Variants in COL25A1 observed in about 807,000 individuals in gnomAD.
COL25A1 encodes the protein collagen alpha-1(XXV) chain.
COL25A1 carries 103 observed loss-of-function variants against 128.4 expected under a neutral mutation model. The observed-to-expected ratio is 0.80, with a 90% CI of 0.68 to 0.94. The LOEUF (loss-of-function observed/expected upper bound fraction) is 0.94, where lower values mean the gene tolerates loss of function less well. Ranked by LOEUF, COL25A1 falls within the 40% of genes least tolerant of loss-of-function variation. COL25A1 has a pLI of 0.00. For missense variants in COL25A1, 745 were observed against 840.0 expected (o/e 0.89, Z 1.40); for synonymous variants, 279 against 277.2 (o/e 1.01, Z -0.06).
At chr4:109,053,723 G>A (rs554888686) in intron 3 of COL25A1, among the ~76,000 whole-genome samples, 1 of 152,040 alleles carries the variant, frequency 6.6e-6, no homozygotes, top group Non-Finnish European at 1.5e-5. Context: ...GATGTTATTT[G>A]TCTTTGAAAA....
intron 3 of COL25A1, among the ~76,000 whole-genome samples, chr4:109,283,354 C>T (rs887443194): frequency 2.0e-5 from 3 of 152,192 alleles, no homozygotes; most frequent in African/African-American, 7.2e-5. Flanking sequence ...TCAAGCAATC[C>T]TCCTGCCTCA....
intron 3 of COL25A1, among the ~76,000 whole-genome samples, chr4:109,157,888 T>C (rs1036180857): frequency 6.6e-6 from 1 of 152,188 alleles, no homozygotes; most frequent in Non-Finnish European, 1.5e-5. Flanking sequence ...TGGGGCACTG[T>C]GCCATTCCCG....
rs1339299579 is a variant in COL25A1 at position 108,811,141 on chromosome 4, A to T, written c.*2786T>A. ...ACATATCAACAAACACAATTCTTTCATTCACTTAGAAATTATTTAAGAATT... is the reference window on the plus strand; with the variant it reads ...ACATATCAACAAACACAATTCTTTCTTTCACTTAGAAATTATTTAAGAATT... On this transcript the variant is annotated 3_prime_UTR_variant, in exon 38 of 38. Coordinates refer to ENST00000399132, the MANE Select transcript of COL25A1 (RefSeq NM_198721.4). 6.6e-6 allele frequency: 1 copy of T among 152,104 alleles called. No individual in the cohort carries two copies. The highest frequency in any genetic ancestry group is 2.4e-5 in the African/African-American group (1 of 41,454). 9.4% of individuals were successfully genotyped at this position (152,104 alleles called of 1,614,324 possible). A position where few individuals can be genotyped will look rare whatever the true frequency, so the allele number is the denominator to read the frequency against.
intron 3 of COL25A1, among the ~76,000 whole-genome samples, chr4:109,215,088 G>C (rs367759712): frequency 2.5e-4 from 38 of 152,168 alleles, no homozygotes; most frequent in East Asian, 1.4e-3. Context: ...AGTTCTAGAA[G>C]AGCTTTTAAA....
At chr4:109,216,670 G>C (rs1778022650) in intron 3 of COL25A1, among the ~76,000 whole-genome samples, 2 of 152,038 alleles carry the variant, frequency 1.3e-5, no homozygotes, top group Non-Finnish European at 2.9e-5. Flanking sequence ...GGCAAGGAAG[G>C]GCCCTCCTCT....
At chr4:109,234,078 T>C (rs1416640706) in intron 3 of COL25A1, among the ~76,000 whole-genome samples, 1 of 152,192 alleles carries the variant, frequency 6.6e-6, no homozygotes, top group African/African-American at 2.4e-5. Context: ...CCTTATTCAA[T>C]CTTACTGCAT....
intron 8 of COL25A1, among the ~76,000 whole-genome samples, chr4:108,944,797 CT>C (rs758189217): frequency 2.6e-5 from 4 of 151,992 alleles, no homozygotes; most frequent in Non-Finnish European, 5.9e-5. Context: ...TCAGAAAGAC[CT>C]TTTTCCTCAA....
chr4:109,151,903 T>C lies in COL25A1; in HGVS notation c.368-101724A>G, dbSNP rs927013942. On this transcript the variant is annotated intron_variant, in intron 3 of 37. Coordinates refer to ENST00000399132, the MANE Select transcript of COL25A1 (RefSeq NM_198721.4). ...TTTCATAAAAAGGTATACATTACAA[T>C]GAATCGTCTGTGCTTAGAGTTTTAA... Among the ~76,000 whole-genome samples, 11 of 152,316 alleles carry C rather than the reference T, an allele frequency of 7.2e-5. No homozygotes were observed. In the South Asian group the frequency reaches 8.3e-4, roughly 11 times the overall value.
chr4:109,131,746 G>T (rs769590681), intron 3 of COL25A1, among the ~76,000 whole-genome samples: 25 of 152,294 alleles, frequency 1.6e-4, no homozygotes, highest in Middle Eastern at 3.4e-3. Flanking sequence ...CATCATAGGC[G>T]CAAGTCCTCC....
At chr4:108,828,268 G>A (rs2125721255) in intron 32 of COL25A1, among the ~76,000 whole-genome samples, 1 of 152,244 alleles carries the variant, frequency 6.6e-6, no homozygotes, top group East Asian at 1.9e-4. Flanking sequence ...CTCCCGAGTA[G>A]CTGGGAGTAC....
At chr4:108,979,925 A>G (rs534433446) in intron 6 of COL25A1, among the ~76,000 whole-genome samples, 59 of 152,274 alleles carry the variant, frequency 3.9e-4, no homozygotes, top group Admixed American at 7.8e-4. Flanking sequence ...CTTGAAAGAT[A>G]TCCAGGAGTA....
intron 3 of COL25A1, among the ~76,000 whole-genome samples, chr4:109,296,859 A>G (rs1261584647): frequency 2.0e-5 from 3 of 152,098 alleles, no homozygotes; most frequent in Non-Finnish European, 4.4e-5. Flanking sequence ...CTGGTTCCCA[A>G]TGTTCTTTAT....
chr4:109,071,325 A>G (rs1466013418), intron 3 of COL25A1, among the ~76,000 whole-genome samples: 1 of 152,192 alleles, frequency 6.6e-6, no homozygotes, highest in Non-Finnish European at 1.5e-5. Flanking sequence ...TACATGTTAG[A>G]CCTAAAACCA....
At position 108,913,844 on chromosome 4, in the gene COL25A1, A is replaced by G. The variant is rs371344306; in HGVS notation, c.780+4328T>C. Among the ~76,000 whole-genome samples the G allele has an allele frequency of 2.7e-4, 41 of 152,344 alleles. No homozygotes were observed. In the South Asian group the frequency reaches 8.5e-3, roughly 32 times the overall value. On this transcript the variant is annotated intron_variant, in intron 13 of 37. Transcript: ENST00000399132. ...TTTTAAATAGCTCACATTTCTCCAGAGTATTTGAAGTAGGAACTAATTGAC... is the reference window on the plus strand; with the variant it reads ...TTTTAAATAGCTCACATTTCTCCAGGGTATTTGAAGTAGGAACTAATTGAC...
intron 11 of COL25A1, chr4:108,921,047 T>C (rs941876834): frequency 6.4e-6 from 1 of 155,152 alleles, no homozygotes; most frequent in Non-Finnish European, 1.5e-5. Context: ...AATAATTGAA[T>C]AGCATTACAA....
chr4:108,859,795 G>A, intron 23 of COL25A1, 62 bp from the exon 24 acceptor site: 1 of 1,233,662 alleles, frequency 8.1e-7, no homozygotes, highest in Non-Finnish European at 1.2e-6. Flanking sequence ...GGTGGACTGT[G>A]GCAGAAACAG....
intron 25 of COL25A1, among the ~76,000 whole-genome samples, chr4:108,852,571 G>A (rs1332921791): frequency 6.6e-6 from 1 of 152,114 alleles, no homozygotes; most frequent in African/African-American, 2.4e-5. Flanking sequence ...GTATTGGGAT[G>A]AATTAGCATA....
At chr4:109,107,747 C>G (rs1479592664) in intron 3 of COL25A1, among the ~76,000 whole-genome samples, 1 of 151,804 alleles carries the variant, frequency 6.6e-6, no homozygotes, top group African/African-American at 2.4e-5. Flanking sequence ...AATACCAGAA[C>G]TGATAGCCTT....
chr4:108,861,879 T>C (rs1737265141), intron 22 of COL25A1, among the ~76,000 whole-genome samples: 2 of 152,206 alleles, frequency 1.3e-5, no homozygotes, highest in African/African-American at 4.8e-5. Flanking sequence ...AAAAGGATTA[T>C]AATTCTTCCC....
Sources: gnomAD v4.1 joint callset for allele counts (sites outside exome capture counted in the v4.1 genomes callset) on GRCh38, gnomAD v4.1.1 for gene constraint, MANE v1.5 for transcripts, NCBI Gene and HGNC (gene_info 2026-07-23, HGNC 2026-07-21) for gene names.